SOX6: variants seen among roughly 807,000 people sequenced by gnomAD.
SOX6 encodes the protein transcription factor SOX-6.
In SOX6, 11 loss-of-function variants were observed where a neutral mutation model predicts 97.8. The ratio of observed to expected loss-of-function variants is 0.11; its 90% confidence interval spans 0.07 to 0.19. The LOEUF (loss-of-function observed/expected upper bound fraction) is 0.19. Among genes scored for constraint, SOX6 ranks in the 10% least tolerant of loss-of-function variants. The pLI, the probability that SOX6 is intolerant of heterozygous loss-of-function variation, is 1.00. For missense variants in SOX6, 810 were observed against 1,039.5 expected (o/e 0.78, Z 3.04); for synonymous variants, 360 against 371.4 (o/e 0.97, Z 0.35).
At chr11:16,249,097 A>G (rs72867974) in intron 3 of SOX6, among the ~76,000 whole-genome samples, 116 of 8,498 alleles carry the variant, frequency 0.014, no homozygotes, top group East Asian at 0.02. Context: ...GCTCTGTCTC[A>G]AAAAAAAAAA....
At chr11:15,994,014 T>G (rs1389190203) in intron 13 of SOX6, among the ~76,000 whole-genome samples, 1 of 152,174 alleles carries the variant, frequency 6.6e-6, no homozygotes, top group Non-Finnish European at 1.5e-5. Context: ...AATAATTTAT[T>G]TATGTATTAA....
At chr11:16,195,455 A>C (rs1851747005) in intron 4 of SOX6, among the ~76,000 whole-genome samples, 1 of 152,226 alleles carries the variant, frequency 6.6e-6, no homozygotes, top group African/African-American at 2.4e-5. Flanking sequence ...GCTAAGAGAT[A>C]TACAACTAAA....
chr11:15,991,761 C>T (rs1854058907), intron 13 of SOX6, among the ~76,000 whole-genome samples: 1 of 152,118 alleles, frequency 6.6e-6, no homozygotes, highest in Admixed American at 6.6e-5. Context: ...TGACAGAGAT[C>T]ATAGTGGATT....
At chr11:16,616,937 G>C (rs10766333) in intron 3 of SOX6, among the ~76,000 whole-genome samples, 67,573 of 151,656 alleles carry the variant, frequency 0.45, 16,033 homozygotes, top group East Asian at 0.85. Flanking sequence ...AAAGAAGACT[G>C]AAACTGTATT....
chr11:16,304,127 G>A (rs1226529287), intron 3 of SOX6, among the ~76,000 whole-genome samples: 1 of 152,114 alleles, frequency 6.6e-6, no homozygotes, highest in Non-Finnish European at 1.5e-5. Context: ...TGTTGGCCAA[G>A]CTGGTCTCAA....
intron 4 of SOX6, among the ~76,000 whole-genome samples, chr11:16,487,991 T>C (rs886134406): frequency 2.0e-5 from 3 of 152,228 alleles, no homozygotes; most frequent in Admixed American, 1.3e-4. Context: ...CTTATGGGAA[T>C]ACAGAGAGTC....
At chr11:16,195,983 G>C (rs2134119432) in intron 4 of SOX6, among the ~76,000 whole-genome samples, 1 of 152,278 alleles carries the variant, frequency 6.6e-6, no homozygotes, top group South Asian at 2.1e-4. Flanking sequence ...TACAACTAAG[G>C]CTTGGGACAG....
chr11:16,580,532 C>A (rs1848022660), intron 4 of SOX6, among the ~76,000 whole-genome samples: 1 of 151,954 alleles, frequency 6.6e-6, no homozygotes, highest in Non-Finnish European at 1.5e-5. Flanking sequence ...AAAGACACAC[C>A]CACTTGTATG....
chr11:16,387,889 A>ATG (rs1858039221), intron 1 of SOX6, among the ~76,000 whole-genome samples: 1 of 152,072 alleles, frequency 6.6e-6, no homozygotes, highest in Non-Finnish European at 1.5e-5. Context: ...ACTTTGGCAA[A>ATG]GATACAATCC....
At chr11:16,498,115 T>A (rs1271392553) in intron 4 of SOX6, among the ~76,000 whole-genome samples, 1 of 152,182 alleles carries the variant, frequency 6.6e-6, no homozygotes, top group Non-Finnish European at 1.5e-5. Flanking sequence ...TAACAGCTGA[T>A]CTCTTGGCAG....
chr11:16,371,140 T>C (rs970346994), intron 1 of SOX6, among the ~76,000 whole-genome samples: 18 of 151,976 alleles, frequency 1.2e-4, no homozygotes, highest in African/African-American at 4.3e-4. Flanking sequence ...CATTTCCTAT[T>C]ATTTCCCCCC....
chr11:16,362,442 G>A (rs930680003), intron 1 of SOX6, among the ~76,000 whole-genome samples: 10 of 152,066 alleles, frequency 6.6e-5, no homozygotes, highest in African/African-American at 1.9e-4. Context: ...CCATAGTTGT[G>A]TGATAGACAC....
chr11:16,051,406 A>G (rs2133915542), intron 10 of SOX6, among the ~76,000 whole-genome samples: 1 of 152,256 alleles, frequency 6.6e-6, no homozygotes, highest in East Asian at 1.9e-4. Context: ...GAACTACCAG[A>G]GAAAATAAGT....
chr11:16,113,189 C>T (rs1408974037), intron 6 of SOX6, among the ~76,000 whole-genome samples: 1 of 152,078 alleles, frequency 6.6e-6, no homozygotes, highest in Non-Finnish European at 1.5e-5. Context: ...TAAGAGGTTT[C>T]GTTTACCAAC....
intron 10 of SOX6, among the ~76,000 whole-genome samples, 167 bp downstream of exon 10, chr11:16,055,585 C>T (rs1847794029): frequency 6.6e-6 from 1 of 152,274 alleles, no homozygotes; most frequent in South Asian, 2.1e-4. Context: ...TATCAAAACA[C>T]CTGTTTCTCA....
chr11:16,662,525 A>T (rs1354106851), intron 3 of SOX6, among the ~76,000 whole-genome samples: 5 of 152,190 alleles, frequency 3.3e-5, no homozygotes, highest in Non-Finnish European at 1.5e-5. Flanking sequence ...CAAATCCAAC[A>T]ATATAATATT....
At chr11:16,400,807 T>C (rs2134441812) in intron 1 of SOX6, among the ~76,000 whole-genome samples, 1 of 151,634 alleles carries the variant, frequency 6.6e-6, no homozygotes, top group South Asian at 2.1e-4. Context: ...GTATGAAATA[T>C]ACCAGAATAT....
intron 3 of SOX6, among the ~76,000 whole-genome samples, chr11:16,287,140 C>T (rs1002277078): frequency 3.3e-5 from 5 of 151,884 alleles, no homozygotes; most frequent in African/African-American, 7.2e-5. Context: ...TGATGAAAAG[C>T]GTCACTCAAG....
chr11:16,092,817 T>A (rs1376176002), intron 9 of SOX6, among the ~76,000 whole-genome samples: 1 of 150,990 alleles, frequency 6.6e-6, no homozygotes, highest in East Asian at 2.0e-4. Context: ...AATAACCATA[T>A]AAAATGAATA....
Sources: allele counts gnomAD v4.1 joint callset (sites outside exome capture counted in the v4.1 genomes callset), GRCh38; gene constraint gnomAD v4.1.1; transcripts MANE v1.5; gene names NCBI Gene and HGNC (gene_info 2026-07-23, HGNC 2026-07-21).